Variants in OR4N2 observed in about 807,000 individuals in gnomAD.
The protein encoded by OR4N2 is olfactory receptor 4N2.
For synonymous variants in OR4N2, 141 were observed against 140.4 expected (o/e 1.00, Z -0.03); for missense variants, 307 against 377.6 (o/e 0.81, Z 1.55).
At chr14:19,814,196 TA>T (rs1879370831) in intron 1 of OR4N2, among the ~76,000 whole-genome samples, 2 of 152,180 alleles carry the variant, frequency 1.3e-5, no homozygotes, top group Admixed American at 1.3e-4. Flanking sequence ...CTGACTCAAT[TA>T]ATTTTTAAAA....
At position 19,812,329 on chromosome 14, in the gene OR4N2, C is replaced by CTTTTTTTTTTTTTTTTTTTTTT. The variant is rs3078143; in HGVS notation, c.-10+8500_-10+8501insTTTTTTTTTTTTTTTTTTTTTT. Among the ~76,000 whole-genome samples the CTTTTTTTTTTTTTTTTTTTTTT allele has an allele frequency of 1.2e-3, 142 of 117,398 alleles. 1 individual carries two copies. Among genetic ancestry groups the CTTTTTTTTTTTTTTTTTTTTTT allele is most frequent in the Non-Finnish European group, 1.4e-3 (82 of 58,818 alleles). 77.0% of individuals were successfully genotyped at this position (117,398 alleles called of 152,430 possible). A position where few individuals can be genotyped will look rare whatever the true frequency, so the allele number is the denominator to read the frequency against. On this transcript the variant is annotated intron_variant, in intron 1 of 1. Coordinates refer to ENST00000557677, the MANE Select transcript of OR4N2 (RefSeq NM_001004723.3). ...TTTTTTTTTTCTTTTCTTTTCTTTTCTTTTTTTTTTTTTTTGAGACAGAGT... is the reference window on the plus strand; with the variant it reads ...TTTTTTTTTTCTTTTCTTTTCTTTTCTTTTTTTTTTTTTTTTTTTTTTTTTTTTTTTTTTTTTGAGACAGAGT...
In OR4N2 at chr14:19,816,288, G is replaced by T. The variant is rs11851632; in HGVS notation, c.-9-11152G>T. Among the ~76,000 whole-genome samples, 765 of 152,262 alleles carry T rather than the reference G, an allele frequency of 5.0e-3. 4 individuals are homozygous for T. The highest frequency in any genetic ancestry group is 0.016 in the African/African-American group (682 of 41,510). On this transcript the variant is annotated intron_variant, in intron 1 of 1. Coordinates refer to ENST00000557677, the MANE Select transcript of OR4N2 (RefSeq NM_001004723.3). ...GCATTGAATCTGTAAATTACTTTGG[G>T]CAATATGGCCATTTTCATGATATTG...
chr14:19,828,565 C>T lies in OR4N2; in HGVS notation c.*193C>T, dbSNP rs1159257039. On this transcript the variant is annotated 3_prime_UTR_variant, in exon 2 of 2. Transcript: ENST00000557677. The stretch of plus-strand genomic sequence containing the variant: ...AGAGATACAACCTAGTAAAAATAGA[C>T]CACCATTAAGGTAGAAAATAAACAG... 3.5e-3 allele frequency: 2,122 copies of T among 604,330 alleles called. 1 individual carries two copies. Among genetic ancestry groups the T allele is most frequent in the Middle Eastern group, 0.023 (53 of 2,262 alleles). 37.4% of individuals were successfully genotyped at this position (604,330 alleles called of 1,614,324 possible).
intron 1 of OR4N2, among the ~76,000 whole-genome samples, chr14:19,818,101 T>C (rs537385436): frequency 3.3e-4 from 50 of 152,376 alleles, no homozygotes; most frequent in African/African-American, 1.2e-3. Flanking sequence ...AGTGCTTTAC[T>C]TCCAAGTATG....
At chr14:19,822,382 G>GA (rs1423303246) in intron 1 of OR4N2, 1 of 152,266 alleles carries the variant, frequency 6.6e-6, no homozygotes, top group Non-Finnish European at 1.5e-5. Flanking sequence ...AAGCTCCAGA[G>GA]AAAAACTTAA....
intron 1 of OR4N2, among the ~76,000 whole-genome samples, chr14:19,805,073 G>C (rs1247379274): frequency 6.6e-6 from 1 of 151,782 alleles, no homozygotes; most frequent in Non-Finnish European, 1.5e-5. Context: ...CCTTTATTTT[G>C]AGCCCCTGGA....
Position 19,828,229 on chromosome 14 carries a change from C to G in OR4N2, c.781C>G (p.Pro261Ala), listed in dbSNP as rs757323183. The change falls in exon 2 of 2, where the codon CCC becomes GCC. Residue 261 changes from proline to alanine, a missense_variant. Pro to Ala is a conservative substitution (Grantham distance 27). Transcript: ENST00000557677. ...FGPGIFIYTRPFRAFPADKVV... is the reference protein window; with the variant it reads ...FGPGIFIYTRAFRAFPADKVV... ...ACCTGGCATCTTCATCTACACGCGC[C>G]CCTTCAGGGCTTTCCCAGCTGACAA... 2.3e-5 allele frequency: 37 copies of G among 1,614,144 alleles called. No homozygotes were observed. The highest frequency in any genetic ancestry group is 3.1e-5 in the Non-Finnish European group (37 of 1,180,050).
intron 1 of OR4N2, among the ~76,000 whole-genome samples, chr14:19,804,676 G>A (rs1879120155): frequency 6.6e-6 from 1 of 152,234 alleles, no homozygotes; most frequent in Admixed American, 6.5e-5. Flanking sequence ...ATATTCTAAT[G>A]TTCTTGGGTG....
At chr14:19,820,944 T>C (rs1306559623) in intron 1 of OR4N2, among the ~76,000 whole-genome samples, 1 of 152,232 alleles carries the variant, frequency 6.6e-6, no homozygotes. Flanking sequence ...TGAATAGTTC[T>C]ATCTTGCTGG....
chr14:19,804,172 T>A (rs537835511), intron 1 of OR4N2, among the ~76,000 whole-genome samples: 2 of 152,338 alleles, frequency 1.3e-5, no homozygotes, highest in Admixed American at 1.3e-4. Context: ...TAATCTTTTG[T>A]ATGGGTTTTT....
At chr14:19,811,342 G>T (rs1879290504) in intron 1 of OR4N2, among the ~76,000 whole-genome samples, 1 of 152,216 alleles carries the variant, frequency 6.6e-6, no homozygotes, top group African/African-American at 2.4e-5. Flanking sequence ...TGCCTCCTGG[G>T]TTAATGCCAT....
chr14:19,817,156 T>C (rs1879447443), intron 1 of OR4N2, among the ~76,000 whole-genome samples: 1 of 152,322 alleles, frequency 6.6e-6, no homozygotes, highest in African/African-American at 2.4e-5. Flanking sequence ...AATTTTCTTT[T>C]TTATGTGTGT....
intron 1 of OR4N2, among the ~76,000 whole-genome samples, chr14:19,810,297 C>T (rs1437405902): frequency 3.3e-5 from 5 of 152,350 alleles, no homozygotes; most frequent in African/African-American, 1.2e-4. Context: ...GAGATACCAA[C>T]TCACAGCAGT....
intron 1 of OR4N2, among the ~76,000 whole-genome samples, chr14:19,815,198 T>A (rs1879394044): frequency 6.6e-6 from 1 of 152,274 alleles, no homozygotes; most frequent in Non-Finnish European, 1.5e-5. Context: ...GTAATGGGAT[T>A]GCTGGGTCAA....
At chr14:19,815,872 G>T (rs1465467290) in intron 1 of OR4N2, among the ~76,000 whole-genome samples, 1 of 152,158 alleles carries the variant, frequency 6.6e-6, no homozygotes, top group African/African-American at 2.4e-5. Context: ...AGTTAATTTT[G>T]TATAAGGTGT....
At chr14:19,826,219 C>A (rs1879695579) in intron 1 of OR4N2, among the ~76,000 whole-genome samples, 1 of 152,210 alleles carries the variant, frequency 6.6e-6, no homozygotes, top group Non-Finnish European at 1.5e-5. Context: ...CCCATGAAAA[C>A]AATCTGAATT....
chr14:19,812,329 C>CTTTTTT (rs3078143), intron 1 of OR4N2, among the ~76,000 whole-genome samples: 407 of 117,310 alleles, frequency 3.5e-3, no homozygotes, highest in Middle Eastern at 4.7e-3. Context: ...CTTTTCTTTT[C>CTTTTTT]TTTTTTTTTT....
intron 1 of OR4N2, among the ~76,000 whole-genome samples, chr14:19,806,939 AC>A (rs1263632869): frequency 1.8e-4 from 27 of 152,130 alleles, no homozygotes; most frequent in Non-Finnish European, 1.5e-5. Context: ...TGGAAAGTAA[AC>A]AACTTGCTCC....
intron 1 of OR4N2, among the ~76,000 whole-genome samples, chr14:19,809,409 A>C (rs1384154904): frequency 1.3e-5 from 2 of 152,214 alleles, no homozygotes; most frequent in Admixed American, 1.3e-4. Context: ...CTATCAATAG[A>C]GTAACCTACA....
Sources: gnomAD v4.1 joint callset for allele counts (sites outside exome capture counted in the v4.1 genomes callset) on GRCh38, gnomAD v4.1.1 for gene constraint, MANE v1.5 for transcripts, NCBI Gene and HGNC (gene_info 2026-07-23, HGNC 2026-07-21) for gene names.